Variants in LDHA observed in about 807,000 individuals in gnomAD.
LDHA encodes lactate dehydrogenase A, also known as L-lactate dehydrogenase A chain.
LDHA carries 10 observed loss-of-function variants against 36.3 expected under a neutral mutation model. That is an observed-to-expected ratio of 0.28 (90% CI 0.17 to 0.47). The LOEUF is 0.47. Among genes scored for constraint, LDHA ranks in the 20% least tolerant of loss-of-function variants. The pLI is 0.99. For synonymous variants in LDHA, 110 were observed against 136.7 expected (o/e 0.80, Z 1.36); for missense variants, 267 against 405.8 (o/e 0.66, Z 2.94).
At chr11:18,397,470 A>G (rs1180628934) in intron 2 of LDHA, 1 of 152,596 alleles carries the variant, frequency 6.6e-6, no homozygotes, top group African/African-American at 2.4e-5. Context: ...TTATTACACT[A>G]TTGAAAGCTG....
intron 6 of LDHA, among the ~76,000 whole-genome samples, chr11:18,404,755 C>G (rs556694767): frequency 6.7e-6 from 1 of 149,024 alleles, no homozygotes; most frequent in Non-Finnish European, 1.5e-5. Flanking sequence ...TTGCAGTGAG[C>G]CGAGATCGCG....
At chr11:18,406,997 C>T in intron 7 of LDHA, 120 bp from the exon 8 acceptor site, 1 of 780,914 alleles carries the variant, frequency 1.3e-6, no homozygotes, top group Non-Finnish European at 2.0e-6. Flanking sequence ...CAGAGCGAGA[C>T]TCTGCCTCAA....
At chr11:18,405,940 G>T in intron 7 of LDHA, 1 of 245,422 alleles carries the variant, frequency 4.1e-6, no homozygotes, top group South Asian at 4.5e-5. Flanking sequence ...AATCATAACT[G>T]AACACCTGGA....
intron 1 of LDHA, chr11:18,396,206 T>G (rs1436389628): frequency 3.9e-6 from 1 of 258,630 alleles, no homozygotes; most frequent in East Asian, 6.8e-5. Flanking sequence ...GGCTTCGCCC[T>G]GCGCGCTGTA....
chr11:18,403,129 C>A, intron 5 of LDHA, 116 bp downstream of exon 5: 2 of 849,686 alleles, frequency 2.4e-6, no homozygotes, highest in Non-Finnish European at 3.7e-6. Flanking sequence ...GGAATGGTTT[C>A]CCGAAATCTA....
intron 2 of LDHA, chr11:18,397,503 G>A (rs1228793861): frequency 6.6e-6 from 1 of 152,236 alleles, no homozygotes. Context: ...AAGAAATTGA[G>A]GCAGCTTACA....
chr11:18,401,188 C>T (rs1247204691), intron 4 of LDHA, among the ~76,000 whole-genome samples, 178 bp downstream of exon 4: 1 of 149,764 alleles, frequency 6.7e-6, no homozygotes. Context: ...TTGCTCTTGT[C>T]GCCCAGGTTG....
At chr11:18,402,539 C>T (rs930583380) in intron 4 of LDHA, 1 of 350,902 alleles carries the variant, frequency 2.8e-6, no homozygotes, top group Non-Finnish European at 5.5e-6. Flanking sequence ...CTCAGGCAGT[C>T]CTCCCACCTC....
intron 7 of LDHA, among the ~76,000 whole-genome samples, chr11:18,406,220 T>A (rs956083626): frequency 6.6e-6 from 1 of 151,922 alleles, no homozygotes. Flanking sequence ...CGCCTCGGCC[T>A]CCCCGAATGC....
Position 18,398,095 on chromosome 11 carries a change from TAAG to T in LDHA, c.126+1132_126+1134del, listed in dbSNP as rs1866359322. On this transcript the variant is annotated intron_variant, in intron 2 of 7. Transcript: ENST00000422447. ...TGATGGCCTCTGGCTCAGGTGTGGG[TAAG>T]AAGAGTAACTGACACTCATTATATT... 3.3e-5 allele frequency among the ~76,000 whole-genome samples: 5 copies of T among 151,892 alleles called. No individual in the cohort carries two copies. In the South Asian group the frequency reaches 1.0e-3, roughly 31 times the overall value.
rs950270868 is a variant in LDHA, at chr11:18,394,649, C to T, written c.-25+13C>T. On this transcript the variant is annotated intron_variant, in intron 1 of 7. Coordinates refer to ENST00000422447, the MANE Select transcript of LDHA (RefSeq NM_005566.4). ...ACGTGCATTCCCGGTACGGTAGGGCCCTGCGCGCACGGCGCCAGAGGGATG... is the reference window on the plus strand; with the variant it reads ...ACGTGCATTCCCGGTACGGTAGGGCTCTGCGCGCACGGCGCCAGAGGGATG... 2.4e-5 allele frequency: 11 copies of T among 453,972 alleles called. No individual in the cohort carries two copies. The highest frequency in any genetic ancestry group is 6.9e-5 in the East Asian group (1 of 14,394). 28.1% of individuals were successfully genotyped at this position (453,972 alleles called of 1,614,324 possible).
intron 3 of LDHA, chr11:18,400,463 A>G (rs1231527527): frequency 1.3e-4 from 12 of 91,798 alleles, no homozygotes; most frequent in Non-Finnish European, 2.1e-4. Context: ...ACACACACAC[A>G]CACACACACA....
In LDHA at chr11:18,408,015, T is replaced by C; in HGVS notation, c.*734T>C. On this transcript the variant is annotated 3_prime_UTR_variant, in exon 8 of 8. Transcript: ENST00000422447. ...GTAATAGTCAACTGAGTTGTATTGG[T>C]ACCACTTCCATTGTAAGTCCCAAAG... The C allele has an allele frequency of 2.2e-6, 1 of 454,146 alleles. No homozygotes were observed. The highest frequency in any genetic ancestry group is 1.6e-5 in the South Asian group (1 of 64,480). The allele number at this position is 454,146 out of a possible 1,614,324, so 28.1% of individuals were successfully genotyped here. A position where few individuals can be genotyped will look rare whatever the true frequency, so the allele number is the denominator to read the frequency against.
rs1303435781 is a variant in LDHA, at chr11:18,408,042, A to G, written c.*761A>G. On this transcript the variant is annotated 3_prime_UTR_variant, in exon 8 of 8. Transcript: ENST00000422447. ...CCACTTCCATTGTAAGTCCCAAAGT[A>G]TTATATATTTGATAATAATGCTAAT... 2.2e-6 allele frequency: 1 copy of G among 452,742 alleles called. No individual in the cohort carries two copies. Among genetic ancestry groups the G allele is most frequent in the African/African-American group, 2.0e-5 (1 of 48,900 alleles). The allele number at this position is 452,742 out of a possible 1,614,324, so 28.0% of individuals were successfully genotyped here. A position where few individuals can be genotyped will look rare whatever the true frequency, so the allele number is the denominator to read the frequency against.
At chr11:18,404,463 T>C (rs1053000752) in intron 6 of LDHA, among the ~76,000 whole-genome samples, 3 of 151,926 alleles carry the variant, frequency 2.0e-5, no homozygotes, top group Non-Finnish European at 4.4e-5. Context: ...TTCAACTTGG[T>C]GGCATTATTT....
intron 1 of LDHA, chr11:18,396,502 T>C: frequency 9.4e-7 from 1 of 1,063,904 alleles, no homozygotes; most frequent in Non-Finnish European, 1.2e-6. Context: ...CTCAGAGTGA[T>C]CTTGTCTGAG....
At chr11:18,398,645 G>A (rs1202184902) in intron 2 of LDHA, 6 of 112,606 alleles carry the variant, frequency 5.3e-5, no homozygotes, top group African/African-American at 1.7e-4. Context: ...AAGGAGTCTC[G>A]CCGTGTCGCC....
At chr11:18,400,566 C>A (rs1590213658) in intron 3 of LDHA, 1 of 450,134 alleles carries the variant, frequency 2.2e-6, no homozygotes, top group Non-Finnish European at 4.2e-6. Context: ...GCTTGGGGAT[C>A]AAAAATTTGA....
chr11:18,397,057 C>A, intron 2 of LDHA, 89 bp downstream of exon 2: 2 of 1,167,970 alleles, frequency 1.7e-6, no homozygotes, highest in Non-Finnish European at 2.5e-6. Flanking sequence ...TATTACATTT[C>A]ATGTAACAGT....
Sources: allele counts gnomAD v4.1 joint callset (sites outside exome capture counted in the v4.1 genomes callset), GRCh38; gene constraint gnomAD v4.1.1; transcripts MANE v1.5; gene names NCBI Gene and HGNC (gene_info 2026-07-23, HGNC 2026-07-21).